MRPS6: variants seen among roughly 807,000 people sequenced by gnomAD.
MRPS6 encodes mitochondrial ribosomal protein S6.
MRPS6 carries 6 observed loss-of-function variants against 13.1 expected under a neutral mutation model. The observed-to-expected ratio is 0.46, with a 90% CI of 0.25 to 0.91. MRPS6 has a LOEUF of 0.91. Ranked by LOEUF, MRPS6 falls within the 40% of genes least tolerant of loss-of-function variation. The pLI is 0.18. For missense variants in MRPS6, 164 were observed against 155.6 expected (o/e 1.05, Z -0.29); for synonymous variants, 61 against 56.5 (o/e 1.08, Z -0.36).
chr21:34,092,262 A>T (rs1416494204), intron 1 of MRPS6, among the ~76,000 whole-genome samples: 1 of 152,188 alleles, frequency 6.6e-6, no homozygotes, highest in African/African-American at 2.4e-5. Context: ...AGTATTTTAT[A>T]TATTTCTACA....
Position 34,096,394 on chromosome 21 carries a change from G to T in MRPS6, c.45+22649G>T. 1.2e-6 allele frequency: 2 copies of T among 1,614,154 alleles called. No homozygotes were observed. The highest frequency in any genetic ancestry group is 1.7e-6 in the Non-Finnish European group (2 of 1,180,014). ...ACCCTCGATGTGTACAAACTTATCC[G>T]CAAGAGCGCAAGCTCCCGGGAGTTA... On this transcript the variant is annotated intron_variant, in intron 1 of 2. Transcript: ENST00000399312. This position sits in a 1 kb window ranked among gnomAD's most constrained non-coding sequence, Gnocchi z 5.9.
chr21:34,119,365 T>A (rs1201679940), intron 1 of MRPS6, among the ~76,000 whole-genome samples: 1 of 152,236 alleles, frequency 6.6e-6, no homozygotes, highest in East Asian at 1.9e-4. Flanking sequence ...GCTGTGAGAA[T>A]GTCAATGCAG....
chr21:34,098,537 G>A (rs953325423), intron 1 of MRPS6: 2 of 1,000,124 alleles, frequency 2.0e-6, no homozygotes, highest in Admixed American at 6.2e-5. Context: ...TAGAGCATAA[G>A]GATGTTTCAG....
intron 1 of MRPS6, chr21:34,095,866 A>G: frequency 6.2e-7 from 1 of 1,614,072 alleles, no homozygotes; most frequent in Non-Finnish European, 8.5e-7. Flanking sequence ...GCCTCACCCG[A>G]TGTCACTTCC....
intron 2 of MRPS6, among the ~76,000 whole-genome samples, chr21:34,140,779 C>G (rs569724950): frequency 1.4e-4 from 21 of 152,046 alleles, no homozygotes; most frequent in African/African-American, 4.3e-4. Flanking sequence ...TCTTGGTGGA[C>G]CCATTATTAT....
At chr21:34,093,598 T>C (rs1237766539) in intron 1 of MRPS6, among the ~76,000 whole-genome samples, 2 of 152,156 alleles carry the variant, frequency 1.3e-5, no homozygotes, top group Non-Finnish European at 2.9e-5. Flanking sequence ...AGAAAAAGCA[T>C]GGAAAAACAT....
chr21:34,132,718 C>T (rs1026801268), intron 2 of MRPS6, among the ~76,000 whole-genome samples: 5 of 152,174 alleles, frequency 3.3e-5, no homozygotes, highest in African/African-American at 1.2e-4. Flanking sequence ...ATCAGTTCCC[C>T]TCTGGGCTTC....
At chr21:34,097,679 A>G in intron 1 of MRPS6, 1 of 1,034,966 alleles carries the variant, frequency 9.7e-7, no homozygotes, top group Middle Eastern at 4.9e-4. Flanking sequence ...ATTAAGGTAT[A>G]CTGTCTGCAC....
chr21:34,115,049 C>T (rs955620395), intron 1 of MRPS6, among the ~76,000 whole-genome samples: 7 of 152,178 alleles, frequency 4.6e-5, no homozygotes, highest in Non-Finnish European at 1.0e-4. Flanking sequence ...AGTTGCTTTA[C>T]TCCTCAGTCA....
At chr21:34,103,487 TC>T in intron 1 of MRPS6, 3 of 999,256 alleles carry the variant, frequency 3.0e-6, no homozygotes, top group Non-Finnish European at 3.6e-6. Context: ...TTGTTGTGTT[TC>T]CATTGTAGGT....
chr21:34,104,333 G>A (rs189238059), intron 1 of MRPS6: 4 of 997,654 alleles, frequency 4.0e-6, no homozygotes, highest in East Asian at 2.3e-4. Context: ...AGAAGAAAAC[G>A]TATGTTCTTC....
intron 1 of MRPS6, among the ~76,000 whole-genome samples, chr21:34,083,071 T>C (rs941635428): frequency 1.3e-5 from 2 of 152,332 alleles, no homozygotes; most frequent in African/African-American, 4.8e-5. Context: ...CCTGGTTTTG[T>C]CTTTGTTTTG....
At position 34,096,977 on chromosome 21, in the gene MRPS6, C is replaced by T. The variant is rs1309391287; in HGVS notation, c.45+23232C>T. On this transcript the variant is annotated intron_variant, in intron 1 of 2. Coordinates refer to ENST00000399312, the MANE Select transcript of MRPS6 (RefSeq NM_032476.4). This position sits in a 1 kb window ranked among gnomAD's most constrained non-coding sequence, Gnocchi z 5.9. ...TCATTCCCAACGGGAAATCTGAAGA[C>T]AGCATTAAGGGCCTTCAGCCTGAAG... 2 of 1,614,070 alleles carry T rather than the reference C, an allele frequency of 1.2e-6. No individual in the cohort carries two copies. The highest frequency in any genetic ancestry group is 1.1e-5 in the South Asian group (1 of 91,080).
intron 1 of MRPS6, chr21:34,102,311 C>T (rs1362597480): frequency 1.0e-6 from 1 of 998,014 alleles, no homozygotes; most frequent in Admixed American, 6.2e-5. Flanking sequence ...CTCTTCAATG[C>T]TGAGAATAAG....
chr21:34,135,816 C>T, intron 2 of MRPS6: 1 of 539,998 alleles, frequency 1.9e-6, no homozygotes, highest in Non-Finnish European at 3.6e-6. Flanking sequence ...TGTGGCCATG[C>T]ATTATCATGG....
At chr21:34,135,367 TTTTTTG>T in intron 2 of MRPS6, 2 of 167,704 alleles carry the variant, frequency 1.2e-5, no homozygotes, top group African/African-American at 2.4e-5. Context: ...TTTTTTTTTT[TTTTTTG>T]TGGTGGCGTG....
At chr21:34,095,962 C>T (rs1249045728) in intron 1 of MRPS6, 5 of 1,614,008 alleles carry the variant, frequency 3.1e-6, no homozygotes, top group Non-Finnish European at 3.4e-6. Context: ...CGGAATCCAA[C>T]AGATGAAGAT....
At chr21:34,141,889 C>T (rs117351607) in intron 2 of MRPS6, among the ~76,000 whole-genome samples, 128 of 152,232 alleles carry the variant, frequency 8.4e-4, no homozygotes, top group African/African-American at 2.7e-3. Context: ...GTTCCTTGTC[C>T]GTATTGAACA....
chr21:34,116,970 C>A (rs936793955), intron 1 of MRPS6, among the ~76,000 whole-genome samples: 1 of 152,154 alleles, frequency 6.6e-6, no homozygotes, highest in Non-Finnish European at 1.5e-5. Context: ...CTCTGCAGAA[C>A]CTTCCGACCT....
Sources: gnomAD v4.1 joint callset for allele counts (sites outside exome capture counted in the v4.1 genomes callset) on GRCh38, gnomAD v4.1.1 for gene constraint, Gnocchi (gnomAD v3.1) non-coding constraint, MANE v1.5 for transcripts, NCBI Gene and HGNC (gene_info 2026-07-23, HGNC 2026-07-21) for gene names.